NTRK3: variants seen among roughly 807,000 people sequenced by gnomAD.
NTRK3 encodes neurotrophic receptor tyrosine kinase 3, also known as NT-3 growth factor receptor.
A neutral mutation model predicts 91.7 loss-of-function variants in NTRK3; 24 were observed. The observed-to-expected ratio is 0.26, with a 90% confidence interval of 0.19 to 0.37. NTRK3 has a LOEUF of 0.37. NTRK3 is among the 10% of genes least tolerant of loss of function. The pLI, the probability that NTRK3 is intolerant of heterozygous loss-of-function variation, is 1.00. For missense variants in NTRK3, 880 were observed against 1,068.9 expected, an observed-to-expected ratio of 0.82 and a Z score of 2.46; for synonymous variants, 483 against 404.0, an observed-to-expected ratio of 1.20 and a Z score of -2.34.
Position 88,229,648 on chromosome 15 carries a change from G to T in NTRK3, c.248+26258C>A, listed in dbSNP as rs1307525963. 6.6e-5 allele frequency among the ~76,000 whole-genome samples: 10 copies of T among 152,144 alleles called. 1 individual carries two copies. Among genetic ancestry groups the T allele is most frequent in the Non-Finnish European group, 1.5e-5 (1 of 68,036 alleles). ...GGATGCAACAGGCAATGTCCCCAGG[G>T]GTACCAGCATCCCTGAGGTCCTGCC... On this transcript the variant is annotated intron_variant, in intron 3 of 18. Transcript: ENST00000394480.
exon 19 of NTRK3, chr15:87,873,474 G>A: frequency 4.3e-6 from 1 of 231,540 alleles, no homozygotes; most frequent in Admixed American, 5.6e-5. Flanking sequence ...ACTCAGTCCA[G>A]GAGAGGATCC....
At chr15:88,225,538 G>C (rs1480293807) in intron 3 of NTRK3, among the ~76,000 whole-genome samples, 1 of 152,162 alleles carries the variant, frequency 6.6e-6, no homozygotes, top group Non-Finnish European at 1.5e-5. Context: ...AAGAGTCCAG[G>C]AGATGAAGAA....
In NTRK3 at chr15:88,048,906, G is replaced by A. The variant is rs1345041654; in HGVS notation, c.1397-15861C>T. On this transcript the variant is annotated intron_variant, in intron 13 of 18. Coordinates refer to ENST00000394480, the Ensembl canonical transcript of NTRK3. ...GCTGTAAATACAACTGTGTGCAATC[G>A]GGAAGGTGTCACCTTATCTCTGTGA... is the stretch of plus-strand genomic sequence containing the variant. Among the ~76,000 whole-genome samples, 7 of 152,134 alleles carry A rather than the reference G, an allele frequency of 4.6e-5. No homozygotes were observed. In the East Asian group the frequency reaches 7.7e-4, roughly 17 times the overall value.
chr15:88,093,418 G>A (rs1484111919), intron 13 of NTRK3, among the ~76,000 whole-genome samples: 1 of 152,136 alleles, frequency 6.6e-6, no homozygotes, highest in African/African-American at 2.4e-5. Context: ...AACATTTACA[G>A]TAGACCTGCT....
In NTRK3 at chr15:88,216,937, C is replaced by T. The variant is rs549150979; in HGVS notation, c.249-32638G>A. Among the ~76,000 whole-genome samples the T allele has an allele frequency of 3.9e-5, 6 of 152,242 alleles. No individual in the cohort carries two copies. The East Asian group carries it at 1.2e-3, about 29-fold the overall frequency. On this transcript the variant is annotated intron_variant, in intron 3 of 18. Coordinates refer to ENST00000394480, the Ensembl canonical transcript of NTRK3. ...GGTGGTGACCCCAAAGTACCAGGGA[C>T]TGAACTGAACTCAGTGGTTTGAAGT... is the stretch of plus-strand genomic sequence containing the variant.
intron 3 of NTRK3, among the ~76,000 whole-genome samples, chr15:88,210,436 G>A (rs1312543328): frequency 1.3e-5 from 2 of 152,216 alleles, no homozygotes; most frequent in African/African-American, 4.8e-5. Flanking sequence ...ATAAAGGAAT[G>A]CTACAGAATG....
intron 13 of NTRK3, among the ~76,000 whole-genome samples, chr15:88,118,496 CCAT>C (rs1474070886): frequency 5.3e-5 from 8 of 152,182 alleles, no homozygotes. Flanking sequence ...TCTTGGTTTT[CCAT>C]CCTGTACCAT....
intron 13 of NTRK3, among the ~76,000 whole-genome samples, chr15:88,077,463 C>T (rs2047650659): frequency 6.6e-6 from 1 of 152,100 alleles, no homozygotes; most frequent in African/African-American, 2.4e-5. Flanking sequence ...GTCTCCACGC[C>T]TCCCCATGGG....
At chr15:88,105,714 C>A (rs1042805179) in intron 13 of NTRK3, among the ~76,000 whole-genome samples, 2 of 150,854 alleles carry the variant, frequency 1.3e-5, no homozygotes, top group African/African-American at 2.5e-5. Flanking sequence ...CACACACACC[C>A]CCACACCAGA....
intron 3 of NTRK3, among the ~76,000 whole-genome samples, chr15:88,185,590 C>G (rs995208130): frequency 2.0e-5 from 3 of 152,178 alleles, no homozygotes; most frequent in Non-Finnish European, 4.4e-5. Context: ...ACCCCATCCT[C>G]CCAGGATTTT....
intron 3 of NTRK3, among the ~76,000 whole-genome samples, chr15:88,207,225 C>T (rs1386355425): frequency 3.3e-5 from 5 of 152,166 alleles, no homozygotes; most frequent in African/African-American, 1.2e-4. Context: ...TATTACCTGC[C>T]TCCAGCGAGT....
chr15:88,153,717 G>A (rs2043616487), intron 5 of NTRK3, among the ~76,000 whole-genome samples: 1 of 151,926 alleles, frequency 6.6e-6, no homozygotes. Context: ...GCAGATTCAA[G>A]GATCCACCTC....
chr15:88,254,091 G>A (rs1159390521), intron 3 of NTRK3, among the ~76,000 whole-genome samples: 1 of 152,114 alleles, frequency 6.6e-6, no homozygotes, highest in Non-Finnish European at 1.5e-5. Context: ...TGGGTACCAG[G>A]GGCCCCTTCT....
rs1365755407 is a variant in NTRK3 at position 88,235,739 on chromosome 15, G to T, written c.248+20167C>A. ...GGACCCCAGAAGGTGCCCTTGAGAA[G>T]TCAGTCATCTGTTTTCTGCCTGCTT... On this transcript the variant is annotated intron_variant, in intron 3 of 18. Transcript: ENST00000394480. This position sits in a 1 kb window ranked among gnomAD's most constrained non-coding sequence, Gnocchi z 5.2. Among the ~76,000 whole-genome samples the T allele has an allele frequency of 6.6e-6, 1 of 152,220 alleles. No individual in the cohort carries two copies. Among genetic ancestry groups the T allele is most frequent in the South Asian group, 2.1e-4 (1 of 4,834 alleles).
intron 14 of NTRK3, among the ~76,000 whole-genome samples, chr15:87,982,540 G>C (rs1007533971): frequency 6.6e-6 from 1 of 152,340 alleles, no homozygotes; most frequent in Admixed American, 6.5e-5. Flanking sequence ...ATTCAGAACA[G>C]AGCTGGGTCT....
chr15:88,098,487 G>A (rs1027558999), intron 13 of NTRK3: 1 of 211,886 alleles, frequency 4.7e-6, no homozygotes, highest in Admixed American at 5.9e-5. Context: ...TAAGGCGCTT[G>A]GACAAGGATA....
At chr15:87,880,537 G>A (rs1163422541) in intron 17 of NTRK3, 109 bp from the exon 19 acceptor site, 2 of 1,263,762 alleles carry the variant, frequency 1.6e-6, no homozygotes, top group Non-Finnish European at 2.2e-6. Context: ...CCTATTCTAA[G>A]ATAGTCACAG....
chr15:87,966,779 A>G (rs761023751), intron 14 of NTRK3, among the ~76,000 whole-genome samples: 4 of 151,972 alleles, frequency 2.6e-5, no homozygotes, highest in African/African-American at 9.7e-5. Flanking sequence ...GTCCCTTCTC[A>G]TGGCCCTAGG....
chr15:88,097,188 T>C (rs2049699304), intron 13 of NTRK3, among the ~76,000 whole-genome samples: 1 of 152,244 alleles, frequency 6.6e-6, no homozygotes, highest in South Asian at 2.1e-4. Context: ...TTTTTATTAT[T>C]AACATGTCTA....
Sources: gnomAD v4.1 joint callset for allele counts (sites outside exome capture counted in the v4.1 genomes callset) on GRCh38, gnomAD v4.1.1 for gene constraint, Gnocchi (gnomAD v3.1) non-coding constraint, MANE v1.5 for transcripts, NCBI Gene and HGNC (gene_info 2026-07-23, HGNC 2026-07-21) for gene names.